RAB11FIP3: variants seen among roughly 807,000 people sequenced by gnomAD.
RAB11FIP3 encodes RAB11 family interacting protein 3, also known as rab11 family-interacting protein 3.
In RAB11FIP3, 17 loss-of-function variants were observed where a neutral mutation model predicts 77.8. The observed-to-expected ratio is 0.22, with a 90% confidence interval of 0.15 to 0.33. The LOEUF is 0.33. Ranked by LOEUF, RAB11FIP3 falls within the 10% of genes least tolerant of loss-of-function variation. RAB11FIP3 has a pLI of 1.00. For missense variants in RAB11FIP3, 1,005 were observed against 1,011.2 expected, an observed-to-expected ratio of 0.99 and a Z score of 0.08; for synonymous variants, 437 against 448.2, an observed-to-expected ratio of 0.98 and a Z score of 0.31.
rs547993393 is a variant in RAB11FIP3, at chr16:463,441, T to G, written c.808+1944T>G. On this transcript the variant is annotated intron_variant, in intron 2 of 13. Transcript: ENST00000262305. ...TGTGTTGTTCCCCGGTTTTTTTTTT[T>G]TTTTTTTTTTTTTTGAGACAGAGTT... 7.3e-4 allele frequency among the ~76,000 whole-genome samples: 108 copies of G among 147,458 alleles called. No individual in the cohort carries two copies. The Middle Eastern group carries it at 0.021, about 28-fold the overall frequency.
intron 1 of RAB11FIP3, among the ~76,000 whole-genome samples, chr16:432,362 G>A (rs529676025): frequency 7.2e-5 from 11 of 151,956 alleles, no homozygotes; most frequent in South Asian, 2.1e-4. Context: ...GGACGACAAG[G>A]GTGAAACTGT....
chr16:475,896 A>G (rs187245111), intron 3 of RAB11FIP3, among the ~76,000 whole-genome samples: 1,560 of 151,538 alleles, frequency 0.01, 38 homozygotes, highest in African/African-American at 0.036. Flanking sequence ...TCACTCTGTC[A>G]CCCAGGCTGG....
At chr16:473,424 T>A (rs1003921863) in intron 3 of RAB11FIP3, among the ~76,000 whole-genome samples, 3 of 152,164 alleles carry the variant, frequency 2.0e-5, no homozygotes, top group African/African-American at 7.2e-5. Flanking sequence ...GGGATCACGT[T>A]ACATGATTAT....
intron 1 of RAB11FIP3, among the ~76,000 whole-genome samples, chr16:433,805 G>A (rs949805460): frequency 1.6e-4 from 24 of 150,042 alleles, no homozygotes; most frequent in Non-Finnish European, 3.4e-4. Flanking sequence ...GCAGTGAGCC[G>A]AGATCGTGCC....
Position 505,529 on chromosome 16 carries a change from C to T in RAB11FIP3, c.1401C>T (p.Val467=). ...AGCCTGGTCTCATTGCCAAGGTTGT[C>T]TTCCTGGAAAGGCGTGTGCTGGAGC... ...GPEEDIADKV[V]FLERRVLELE... Residue 467 remains valine (V), a synonymous_variant, in exon 8 of 14, where the codon GTC becomes GTT. Transcript: ENST00000262305. The surrounding 1 kb of genome is among the most constrained non-coding windows in gnomAD (Gnocchi z 4.0). The T allele has an allele frequency of 1.2e-6, 2 of 1,608,368 alleles. No individual in the cohort carries two copies. The highest frequency in any genetic ancestry group is 1.7e-6 in the Non-Finnish European group (2 of 1,179,128).
chr16:433,028 C>CTTTTTTTT (rs920883186), intron 1 of RAB11FIP3, among the ~76,000 whole-genome samples: 1 of 40,882 alleles, frequency 2.4e-5, no homozygotes, highest in African/African-American at 1.0e-4. Flanking sequence ...CCATATTTAT[C>CTTTTTTTT]TTTTTTTTTT....
At chr16:429,648 C>T (rs533659086) in intron 1 of RAB11FIP3, among the ~76,000 whole-genome samples, 4 of 152,054 alleles carry the variant, frequency 2.6e-5, no homozygotes, top group Admixed American at 1.3e-4. Context: ...TACCGGTGCC[C>T]GTCACCACAC....
rs1203039 is a variant in RAB11FIP3, at chr16:461,337, G to C, written c.715-67G>C. ...CCACACACCAGATCTCTCCCAGTCC[G>C]AGGTCCAGGGTTGGGGACCCCTGCT... On this transcript the variant is annotated intron_variant, in intron 1 of 13. Coordinates refer to ENST00000262305, the MANE Select transcript of RAB11FIP3 (RefSeq NM_014700.4). This position sits in a 1 kb window ranked among gnomAD's most constrained non-coding sequence, Gnocchi z 4.5. The C allele has an allele frequency of 0.011, 13,509 of 1,273,166 alleles. 907 individuals are homozygous for C. The East Asian group carries it at 0.19, about 18-fold the overall frequency. 78.9% of individuals were successfully genotyped at this position (1,273,166 alleles called of 1,614,324 possible).
rs372566886 is a variant in RAB11FIP3 at position 510,830 on chromosome 16, C to T, written c.1640+30C>T. ...GCGGTTCCCAACAGCCCATCCACCC[C>T]AGAACCTGCAGGCCAGGTAGGAGAC... On this transcript the variant is annotated intron_variant, in intron 9 of 13. Coordinates refer to ENST00000262305, the MANE Select transcript of RAB11FIP3 (RefSeq NM_014700.4). 6.8e-5 allele frequency: 109 copies of T among 1,608,366 alleles called. No individual in the cohort carries two copies. In the African/African-American group the frequency reaches 1.3e-3, roughly 20 times the overall value.
chr16:443,165 A>C (rs2055254550), intron 1 of RAB11FIP3, among the ~76,000 whole-genome samples: 1 of 152,092 alleles, frequency 6.6e-6, no homozygotes, highest in Admixed American at 6.6e-5. Context: ...TTTCATCAGC[A>C]CTGAGGAACA....
intron 9 of RAB11FIP3, among the ~76,000 whole-genome samples, chr16:517,999 G>A (rs922784569): frequency 6.6e-5 from 10 of 152,098 alleles, no homozygotes; most frequent in Admixed American, 3.3e-4. Context: ...GGAGAATGGC[G>A]TGAACCCGGA....
At chr16:499,889 G>A (rs1419717994) in intron 6 of RAB11FIP3, among the ~76,000 whole-genome samples, 1 of 150,632 alleles carries the variant, frequency 6.6e-6, no homozygotes, top group African/African-American at 2.4e-5. Context: ...CTATCCACAT[G>A]TAAATATATG....
At chr16:496,703 A>G in intron 5 of RAB11FIP3, 121 bp from the exon 6 acceptor site, 1 of 966,452 alleles carries the variant, frequency 1.0e-6, no homozygotes, top group Non-Finnish European at 1.6e-6. Context: ...GGGGCCCTGC[A>G]TGCCGGGAGC....
At chr16:486,625 CA>C (rs2056159493) in intron 4 of RAB11FIP3, among the ~76,000 whole-genome samples, 6 of 152,268 alleles carry the variant, frequency 3.9e-5, no homozygotes, top group African/African-American at 9.6e-5. Flanking sequence ...CGTCTGGGTG[CA>C]GACCGTCCGG....
intron 3 of RAB11FIP3, 109 bp from the exon 4 acceptor site, chr16:482,416 C>A (rs778760341): frequency 3.9e-6 from 4 of 1,021,080 alleles, no homozygotes; most frequent in Non-Finnish European, 6.2e-6. Context: ...AGGCGTCAGA[C>A]CCCTCCCTCC....
chr16:499,218 A>C (rs1436817902), intron 6 of RAB11FIP3, among the ~76,000 whole-genome samples: 3 of 152,192 alleles, frequency 2.0e-5, no homozygotes, highest in Admixed American at 6.5e-5. Context: ...ATCTCAAAAA[A>C]AGAAAGAAAA....
In RAB11FIP3 at chr16:426,192, C is replaced by G; in HGVS notation, c.186C>G (p.Ala62=). The G allele has an allele frequency of 9.8e-7, 1 of 1,017,188 alleles. No individual in the cohort carries two copies. The highest frequency in any genetic ancestry group is 1.2e-6 in the Non-Finnish European group (1 of 852,800). 63.0% of individuals were successfully genotyped at this position (1,017,188 alleles called of 1,614,324 possible). A position where few individuals can be genotyped will look rare whatever the true frequency, so the allele number is the denominator to read the frequency against. The change falls in exon 1 of 14, where the codon GCC becomes GCG. Residue 62 remains alanine, a synonymous_variant. Transcript: ENST00000262305. This position sits in a 1 kb window ranked among gnomAD's most constrained non-coding sequence, Gnocchi z 5.0. ...SPGLDEPAPG[A]AADGGARWSA... ...GCCTGGATGAGCCTGCGCCCGGGGCCGCTGCAGATGGCGGGGCGCGTTGGA... is the reference window on the plus strand; with the variant it reads ...GCCTGGATGAGCCTGCGCCCGGGGCGGCTGCAGATGGCGGGGCGCGTTGGA...
intron 5 of RAB11FIP3, chr16:491,282 GC>G (rs2030160633): frequency 7.7e-7 from 1 of 1,301,838 alleles, no homozygotes; most frequent in African/African-American, 1.5e-5. Context: ...ACTGACCAGC[GC>G]CTGGCCTTGC....
rs558217489 is a variant in RAB11FIP3, at chr16:487,929, GGCAGAGGT to G, written c.1116-919_1116-912del. ...GAGGACAGCAGCTCCCTAGGGAAGA[GGCAGAGGT>G]GCTTGAACCCAGATGCTGCTTTGTG... On this transcript the variant is annotated intron_variant, in intron 4 of 13. Transcript: ENST00000262305. 2.7e-3 allele frequency among the ~76,000 whole-genome samples: 406 copies of G among 152,318 alleles called. 2 individuals are homozygous for G. Among genetic ancestry groups the G allele is most frequent in the African/African-American group, 9.1e-3 (377 of 41,556 alleles).
Sources: gnomAD v4.1 joint callset for allele counts (sites outside exome capture counted in the v4.1 genomes callset) on GRCh38, gnomAD v4.1.1 for gene constraint, Gnocchi (gnomAD v3.1) non-coding constraint, MANE v1.5 for transcripts, NCBI Gene and HGNC (gene_info 2026-07-23, HGNC 2026-07-21) for gene names.